The following LBP variants were observed in gnomAD, a reference collection of about 807,000 sequenced individuals.
The protein encoded by LBP is lipopolysaccharide binding protein, also known as lipopolysaccharide-binding protein.
In LBP, 53 loss-of-function variants were observed where a neutral mutation model predicts 56.6. That is an observed-to-expected ratio of 0.94 (90% CI 0.75 to 1.18). LBP has a LOEUF of 1.18. Ranked by LOEUF, LBP falls within the 50% of genes most tolerant of loss-of-function variation. The pLI is 0.00. For missense variants in LBP, 601 were observed against 598.3 expected (o/e 1.00, Z -0.05); for synonymous variants, 227 against 247.5 (o/e 0.92, Z 0.78).
intron 8 of LBP, among the ~76,000 whole-genome samples, chr20:38,366,356 T>G (rs906656727): frequency 6.6e-6 from 1 of 152,228 alleles, no homozygotes; most frequent in Non-Finnish European, 1.5e-5. Context: ...GCACTCACCA[T>G]GTGCTGGGCC....
chr20:38,363,027 T>G (rs1366024088), intron 6 of LBP, among the ~76,000 whole-genome samples: 3 of 152,234 alleles, frequency 2.0e-5, no homozygotes, highest in Non-Finnish European at 4.4e-5. Flanking sequence ...TTTATTCTCC[T>G]TGCTGCATAG....
At chr20:38,362,472 G>A (rs1232298343) in intron 6 of LBP, among the ~76,000 whole-genome samples, 6 of 151,106 alleles carry the variant, frequency 4.0e-5, no homozygotes, top group Admixed American at 2.0e-4. Context: ...AATTAGCCAG[G>A]TGCCGTGGTG....
intron 1 of LBP, among the ~76,000 whole-genome samples, chr20:38,347,782 G>A (rs1318411823): frequency 2.6e-5 from 4 of 152,248 alleles, no homozygotes; most frequent in Admixed American, 1.3e-4. Flanking sequence ...CAGGCTCAGG[G>A]AGGCAGACAT....
rs776047594 is a variant in LBP at position 38,355,091 on chromosome 20, C to T, written c.525-255C>T. On this transcript the variant is annotated intron_variant, in intron 4 of 14. Transcript: ENST00000217407. ...GGTGAGATCCTGTCCCCCACCCCCC[C>T]GCAAAAGAAAAGAAAAATGTGGATT... 3.3e-5 allele frequency among the ~76,000 whole-genome samples: 5 copies of T among 152,132 alleles called. No individual in the cohort carries two copies. In the East Asian group the frequency reaches 5.8e-4, roughly 18 times the overall value.
At chr20:38,351,065 G>A in intron 3 of LBP, 126 bp downstream of exon 3, 2 of 1,271,200 alleles carry the variant, frequency 1.6e-6, no homozygotes, top group African/African-American at 1.5e-5. Context: ...TCCAAGCCCG[G>A]AGGTGGCCTG....
At chr20:38,372,104 C>T (rs986143517) in intron 12 of LBP, among the ~76,000 whole-genome samples, 7 of 152,166 alleles carry the variant, frequency 4.6e-5, no homozygotes, top group African/African-American at 4.8e-5. Context: ...GTGAAGTAGA[C>T]GGCCCCAAAT....
chr20:38,353,191 AATTG>A lies in LBP; in HGVS notation c.369-1089_369-1086del, dbSNP rs765227767. Among the ~76,000 whole-genome samples, 3 of 152,212 alleles carry A rather than the reference AATTG, an allele frequency of 2.0e-5. No homozygotes were observed. The East Asian group carries it at 5.8e-4, about 29-fold the overall frequency. On this transcript the variant is annotated intron_variant, in intron 3 of 14. Coordinates refer to ENST00000217407, the MANE Select transcript of LBP (RefSeq NM_004139.5). ...TTGATAGGAAATTCACGGAACATAA[AATTG>A]ATTATTTGAAAGTATACATTCAGTG...
chr20:38,353,750 AG>A (rs1460369700), intron 3 of LBP, among the ~76,000 whole-genome samples: 1 of 152,012 alleles, frequency 6.6e-6, no homozygotes, highest in Non-Finnish European at 1.5e-5. Flanking sequence ...AAACTTCAAA[AG>A]TTTTTTTTGA....
At chr20:38,351,818 C>G (rs529475473) in intron 3 of LBP, among the ~76,000 whole-genome samples, 36 of 152,148 alleles carry the variant, frequency 2.4e-4, no homozygotes, top group African/African-American at 8.0e-4. Context: ...GTCAGGAGTT[C>G]AAGACCAGCC....
intron 3 of LBP, 106 bp downstream of exon 3, chr20:38,351,045 A>G: frequency 6.9e-7 from 1 of 1,450,920 alleles, no homozygotes; most frequent in Non-Finnish European, 9.3e-7. Flanking sequence ...CACGTGATGG[A>G]CAGATGGAGT....
intron 4 of LBP, 111 bp from the exon 5 acceptor site, chr20:38,355,235 G>A: frequency 1.1e-6 from 1 of 917,760 alleles, no homozygotes; most frequent in East Asian, 2.4e-5. Flanking sequence ...GCGCCGGGAA[G>A]GGGTGGAGAG....
At chr20:38,362,586 C>T (rs1433329294) in intron 6 of LBP, among the ~76,000 whole-genome samples, 1 of 151,222 alleles carries the variant, frequency 6.6e-6, no homozygotes, top group African/African-American at 2.4e-5. Flanking sequence ...GCACTCCAGC[C>T]TGGGCAACAG....
chr20:38,364,786 A>G, intron 8 of LBP, 34 bp downstream of exon 8: 1 of 1,566,274 alleles, frequency 6.4e-7, no homozygotes, highest in Non-Finnish European at 8.7e-7. Context: ...TCTCAAATGA[A>G]CACATAACCT....
intron 9 of LBP, among the ~76,000 whole-genome samples, chr20:38,367,189 C>T (rs1232933722): frequency 6.6e-6 from 1 of 152,184 alleles, no homozygotes; most frequent in Non-Finnish European, 1.5e-5. Context: ...CATGGTGGCT[C>T]ATGCCTGTAA....
chr20:38,369,206 A>G, intron 10 of LBP, 44 bp downstream of exon 10: 1 of 1,563,064 alleles, frequency 6.4e-7, no homozygotes, highest in Non-Finnish European at 8.7e-7. Flanking sequence ...TTTTCCCCAC[A>G]TGCTTTTCCC....
chr20:38,366,830 TAAG>T lies in LBP; in HGVS notation c.981+3_981+5del. Reference sequence around the variant, plus strand: ...TCCTTCCGACCCTTCGTCCCACGGGTAAGGAGTCCCTTAGTTCCCCATGAGTGC... The same window carrying T: ...TCCTTCCGACCCTTCGTCCCACGGGTGAGTCCCTTAGTTCCCCATGAGTGC... On this transcript the variant is annotated splice_donor_5th_base_variant and intron_variant, in intron 9 of 14. Transcript: ENST00000217407. 6.2e-7 allele frequency: 1 copy of T among 1,613,832 alleles called. No homozygotes were observed. Among genetic ancestry groups the T allele is most frequent in the Non-Finnish European group, 8.5e-7 (1 of 1,179,802 alleles).
intron 7 of LBP, 45 bp from the exon 8 acceptor site, chr20:38,364,531 C>A (rs530514324): frequency 6.3e-6 from 10 of 1,597,294 alleles, no homozygotes; most frequent in Non-Finnish European, 7.7e-6. Context: ...CCCTGCCCCA[C>A]GATAGGCTTT....
At chr20:38,355,120 A>C (rs946814106) in intron 4 of LBP, among the ~76,000 whole-genome samples, 7 of 152,210 alleles carry the variant, frequency 4.6e-5, no homozygotes, top group African/African-American at 1.7e-4. Context: ...GTGGATTCTC[A>C]AGCCGCTTCC....
At chr20:38,366,747 T>A in intron 8 of LBP, 22 bp from the exon 9 acceptor site, 1 of 1,613,278 alleles carries the variant, frequency 6.2e-7, no homozygotes, top group East Asian at 2.2e-5. Flanking sequence ...CCCTAAAACT[T>A]CTTCATGTCT....
Sources: allele counts gnomAD v4.1 joint callset (sites outside exome capture counted in the v4.1 genomes callset), GRCh38; gene constraint gnomAD v4.1.1; transcripts MANE v1.5; gene names NCBI Gene and HGNC (gene_info 2026-07-23, HGNC 2026-07-21).